Variants in TAFA5 observed in about 807,000 individuals in gnomAD.
The protein encoded by TAFA5 is TAFA chemokine like family member 5.
Under a neutral mutation model 15.3 loss-of-function variants are expected in TAFA5, and 6 were observed. That is an observed-to-expected ratio of 0.39 (90% CI 0.21 to 0.77). The LOEUF is 0.77. TAFA5 is among the 30% of genes least tolerant of loss of function. TAFA5 has a pLI of 0.41. For synonymous variants in TAFA5, 103 were observed against 80.7 expected (o/e 1.28, Z -1.48); for missense variants, 161 against 193.1 (o/e 0.83, Z 0.98).
At chr22:48,721,277 C>T (rs904542526) in intron 3 of TAFA5, among the ~76,000 whole-genome samples, 1 of 152,220 alleles carries the variant, frequency 6.6e-6, no homozygotes, top group African/African-American at 2.4e-5. Context: ...GGCCACTGCC[C>T]CCGTGCCACC....
chr22:48,730,445 A>G (rs1402140896), intron 3 of TAFA5, among the ~76,000 whole-genome samples: 3 of 152,110 alleles, frequency 2.0e-5, no homozygotes, highest in African/African-American at 4.8e-5. Context: ...CATGAGCAAC[A>G]AAAGTGCGTC....
chr22:48,518,106 G>T (rs1348730161), intron 1 of TAFA5, among the ~76,000 whole-genome samples: 3 of 152,224 alleles, frequency 2.0e-5, no homozygotes, highest in South Asian at 2.1e-4. Flanking sequence ...CAGCCCTGCT[G>T]CTTTCCGGGG....
Position 48,576,289 on chromosome 22 carries a change from C to T in TAFA5, c.113-70308C>T, listed in dbSNP as rs1191651306. 1.1e-5 allele frequency: 12 copies of T among 1,089,262 alleles called. No homozygotes were observed. In the South Asian group the frequency reaches 3.2e-4, roughly 29 times the overall value. The allele number at this position is 1,089,262 out of a possible 1,614,324, so 67.5% of individuals were successfully genotyped here. On this transcript the variant is annotated intron_variant, in intron 1 of 3. Coordinates refer to ENST00000402357, the MANE Select transcript of TAFA5 (RefSeq NM_001082967.3). ...GGCGCCCCCCTCCCCCCGCCCGCTC[C>T]CCTCCCCCCTGCCCAGAAAGACACA...
At chr22:48,640,875 C>T (rs1206361234) in intron 1 of TAFA5, among the ~76,000 whole-genome samples, 1 of 139,266 alleles carries the variant, frequency 7.2e-6, no homozygotes, top group Non-Finnish European at 1.5e-5. Flanking sequence ...CACCGTGGCC[C>T]TTGTTGGGGC....
intron 3 of TAFA5, among the ~76,000 whole-genome samples, chr22:48,746,934 C>G (rs1006184332): frequency 6.6e-6 from 1 of 152,198 alleles, no homozygotes; most frequent in African/African-American, 2.4e-5. Context: ...CCCCCATGTC[C>G]TCAGGAGGCT....
At chr22:48,706,967 C>G (rs1929097564) in intron 2 of TAFA5, among the ~76,000 whole-genome samples, 1 of 152,228 alleles carries the variant, frequency 6.6e-6, no homozygotes, top group African/African-American at 2.4e-5. Flanking sequence ...AAATGCAATT[C>G]TCTCTGGCAT....
intron 3 of TAFA5, among the ~76,000 whole-genome samples, chr22:48,744,759 TTTTC>T (rs1930279255): frequency 6.6e-6 from 1 of 152,148 alleles, no homozygotes; most frequent in Non-Finnish European, 1.5e-5. Flanking sequence ...CCTTTTTTTC[TTTTC>T]TTTATTTTTT....
At chr22:48,654,753 G>A (rs1053109955) in intron 2 of TAFA5, among the ~76,000 whole-genome samples, 2 of 152,214 alleles carry the variant, frequency 1.3e-5, no homozygotes, top group African/African-American at 4.8e-5. Context: ...GGAAGGGGAG[G>A]GCTGGGAGGA....
Position 48,571,574 on chromosome 22 carries a change from G to GTTTTGTTT in TAFA5, c.113-75019_113-75018insGTTTTTTT, listed in dbSNP as rs1923586979. 4.3e-3 allele frequency among the ~76,000 whole-genome samples: 125 copies of GTTTTGTTT among 29,256 alleles called. 2 individuals are homozygous for GTTTTGTTT. Among genetic ancestry groups the GTTTTGTTT allele is most frequent in the East Asian group, 6.3e-3 (6 of 946 alleles). 19.2% of individuals were successfully genotyped at this position (29,256 alleles called of 152,430 possible). Reference sequence around the variant, plus strand: ...AGGCATGAGCCACTGTGCCTGGCCTGTTTTTTTTTTTTTTTTTTTTTTTTT... The same window carrying GTTTTGTTT: ...AGGCATGAGCCACTGTGCCTGGCCTGTTTTGTTTTTTTTTTTTTTTTTTTTTTTTTTTT... On this transcript the variant is annotated intron_variant, in intron 1 of 3. Transcript: ENST00000402357.
intron 1 of TAFA5, among the ~76,000 whole-genome samples, chr22:48,499,527 C>T (rs5768682): frequency 0.17 from 26,207 of 152,186 alleles, 2,780 homozygotes; most frequent in East Asian, 0.42. Context: ...CTGTTCTAGC[C>T]GGCTCCCCTG....
intron 3 of TAFA5, among the ~76,000 whole-genome samples, chr22:48,730,589 T>C (rs1433506111): frequency 6.6e-6 from 1 of 152,222 alleles, no homozygotes; most frequent in Non-Finnish European, 1.5e-5. Flanking sequence ...CAACAGCGTA[T>C]GCTCACTTTG....
At chr22:48,542,549 TGTGTATGTGTGTGTGGTGTGTGTG>T (rs1922470854) in intron 1 of TAFA5, among the ~76,000 whole-genome samples, 1 of 74,314 alleles carries the variant, frequency 1.3e-5, no homozygotes, top group Non-Finnish European at 2.5e-5. Context: ...GTGTGTGTGA[TGTGTATGTGTGTGTGGTGTGTGTG>T]GTGTGTGTGC....
intron 2 of TAFA5, among the ~76,000 whole-genome samples, chr22:48,658,221 A>G (rs1927314006): frequency 6.8e-6 from 1 of 147,322 alleles, no homozygotes; most frequent in Non-Finnish European, 1.5e-5. Context: ...TCAGCCCCAC[A>G]AACACTCCTG....
chr22:48,642,228 C>A (rs1357803619), intron 1 of TAFA5, among the ~76,000 whole-genome samples: 1 of 152,216 alleles, frequency 6.6e-6, no homozygotes, highest in East Asian at 1.9e-4. Flanking sequence ...GGCCTCGCCA[C>A]TGTCCCAGCC....
rs1422939336 is a variant in TAFA5, at chr22:48,742,210, C to A, written c.391-7629C>A. 6.6e-6 allele frequency among the ~76,000 whole-genome samples: 1 copy of A among 151,420 alleles called. No homozygotes were observed. Among genetic ancestry groups the A allele is most frequent in the Non-Finnish European group, 1.5e-5 (1 of 67,800 alleles). On this transcript the variant is annotated intron_variant, in intron 3 of 3. Coordinates refer to ENST00000402357, the MANE Select transcript of TAFA5 (RefSeq NM_001082967.3). This position sits in a 1 kb window ranked among gnomAD's most constrained non-coding sequence, Gnocchi z 6.2. ...TGCCCCACCCCACAGGCCCCTCATC[C>A]TTCACCAGGCACAGCCCTGCCCCAC...
At chr22:48,693,138 T>C in intron 2 of TAFA5, 3 of 704,068 alleles carry the variant, frequency 4.3e-6, no homozygotes, top group East Asian at 5.5e-5. Flanking sequence ...GCGCAGGACG[T>C]GACCTCGAGT....
At chr22:48,658,237 A>G (rs5771903) in intron 2 of TAFA5, among the ~76,000 whole-genome samples, 127,308 of 147,482 alleles carry the variant, frequency 0.86, 55,138 homozygotes, top group East Asian at 1. Context: ...TCCTGAGGGC[A>G]GGGTGGGTGG....
At chr22:48,527,845 C>T (rs748008455) in intron 1 of TAFA5, among the ~76,000 whole-genome samples, 35 of 152,188 alleles carry the variant, frequency 2.3e-4, no homozygotes, top group African/African-American at 1.7e-4. Flanking sequence ...GGGTGTTTCA[C>T]GGGTAGATGG....
intron 1 of TAFA5, among the ~76,000 whole-genome samples, chr22:48,524,446 C>T (rs8135172): frequency 4.3e-4 from 66 of 152,298 alleles, no homozygotes; most frequent in African/African-American, 1.4e-3. Context: ...TGGTCAGGGA[C>T]GCCCTCCCTG....
Sources: gnomAD v4.1 joint callset for allele counts (sites outside exome capture counted in the v4.1 genomes callset) on GRCh38, gnomAD v4.1.1 for gene constraint, Gnocchi (gnomAD v3.1) non-coding constraint, MANE v1.5 for transcripts, NCBI Gene and HGNC (gene_info 2026-07-23, HGNC 2026-07-21) for gene names.